Variants in PATJ observed in about 807,000 individuals in gnomAD.
The protein encoded by PATJ is PATJ crumbs cell polarity complex component, also known as inaD-like protein.
Under a neutral mutation model 224.9 loss-of-function variants are expected in PATJ, and 190 were observed. That is an observed-to-expected ratio of 0.84 (90% CI 0.75 to 0.95). The LOEUF (loss-of-function observed/expected upper bound fraction) is 0.95, where lower values mean the gene tolerates loss of function less well. Among genes scored for constraint, PATJ ranks in the 40% least tolerant of loss-of-function variants. PATJ has a pLI of 0.00. For synonymous variants in PATJ, 769 were observed against 820.3 expected (o/e 0.94, Z 1.07); for missense variants, 2,121 against 2,270.3 (o/e 0.93, Z 1.34).
chr1:61,869,893 G>A (rs1327598006), intron 20 of PATJ, among the ~76,000 whole-genome samples: 2 of 152,230 alleles, frequency 1.3e-5, no homozygotes, highest in Non-Finnish European at 2.9e-5. Context: ...GTACTGGCAG[G>A]AGCAAATTCT....
At chr1:62,056,659 T>C (rs1654597206) in intron 31 of PATJ, among the ~76,000 whole-genome samples, 1 of 152,152 alleles carries the variant, frequency 6.6e-6, no homozygotes, top group South Asian at 2.1e-4. Context: ...TGGATGCCTG[T>C]AATCCCAGCT....
At chr1:62,070,072 G>A (rs1657124527) in intron 31 of PATJ, among the ~76,000 whole-genome samples, 1 of 152,150 alleles carries the variant, frequency 6.6e-6, no homozygotes, top group Non-Finnish European at 1.5e-5. Flanking sequence ...TTTTAAACCT[G>A]TAGTTTGGGA....
intron 13 of PATJ, 148 bp downstream of exon 13, chr1:61,805,672 A>T: frequency 1.7e-6 from 1 of 584,686 alleles, no homozygotes; most frequent in East Asian, 2.9e-5. Flanking sequence ...GGATCAATCG[A>T]TTTTTTTCCC....
intron 20 of PATJ, among the ~76,000 whole-genome samples, chr1:61,870,991 C>T (rs557055494): frequency 4.7e-4 from 71 of 150,140 alleles, no homozygotes; most frequent in African/African-American, 1.6e-3. Flanking sequence ...CTTTCATGTG[C>T]TTATTTGGCC....
In PATJ at chr1:61,742,943, G is replaced by T. The variant is rs567318439; in HGVS notation, c.-36+388G>T. ...TCGGGCCTCGAATCTCGGCCCACTGGTATTCGGGGGTGGCACGGATCCTAT... is the reference window on the plus strand; with the variant it reads ...TCGGGCCTCGAATCTCGGCCCACTGTTATTCGGGGGTGGCACGGATCCTAT... On this transcript the variant is annotated intron_variant, in intron 1 of 43. Transcript: ENST00000642238. 1.7e-3 allele frequency among the ~76,000 whole-genome samples: 256 copies of T among 152,250 alleles called. 2 individuals carry two copies. Among genetic ancestry groups the T allele is most frequent in the African/African-American group, 5.9e-3 (245 of 41,580 alleles).
At chr1:62,159,191 A>C (rs1314421110) in intron 43 of PATJ, among the ~76,000 whole-genome samples, 5 of 151,994 alleles carry the variant, frequency 3.3e-5, no homozygotes, top group Non-Finnish European at 2.9e-5. Context: ...GTGAAGTTGC[A>C]AGTTTTGGGG....
intron 25 of PATJ, among the ~76,000 whole-genome samples, chr1:61,910,327 A>T (rs1019971573): frequency 6.6e-6 from 1 of 152,296 alleles, no homozygotes; most frequent in Admixed American, 6.5e-5. Context: ...TCTTTCAATT[A>T]TTCAAACAAA....
At chr1:61,826,936 A>G (rs564051449) in intron 15 of PATJ, among the ~76,000 whole-genome samples, 9 of 152,336 alleles carry the variant, frequency 5.9e-5, no homozygotes, top group African/African-American at 1.9e-4. Flanking sequence ...CTTATTAGCT[A>G]TACTTTAAGC....
intron 33 of PATJ, among the ~76,000 whole-genome samples, chr1:62,104,424 C>T (rs879297525): frequency 6.6e-5 from 10 of 152,098 alleles, no homozygotes; most frequent in South Asian, 2.1e-4. Context: ...TTTGAATTCA[C>T]GAGCCCACAT....
At chr1:62,021,563 G>A (rs184441398) in intron 29 of PATJ, among the ~76,000 whole-genome samples, 214 of 144,380 alleles carry the variant, frequency 1.5e-3, no homozygotes, top group Non-Finnish European at 2.2e-3. Context: ...TAGTAAGTTC[G>A]TTGTTGTTGT....
chr1:61,903,500 C>T (rs1671469756), intron 24 of PATJ, among the ~76,000 whole-genome samples: 1 of 152,092 alleles, frequency 6.6e-6, no homozygotes, highest in Non-Finnish European at 1.5e-5. Flanking sequence ...GTTAGATAAA[C>T]AAATAAGGAG....
In PATJ at chr1:61,880,569, T is replaced by G. The variant is rs114549773; in HGVS notation, c.2960-3668T>G. 1.2e-3 allele frequency among the ~76,000 whole-genome samples: 188 copies of G among 152,324 alleles called. 1 individual carries two copies. The highest frequency in any genetic ancestry group is 4.2e-3 in the African/African-American group (174 of 41,572). On this transcript the variant is annotated intron_variant, in intron 21 of 43. Coordinates refer to ENST00000642238, the MANE Select transcript of PATJ (RefSeq NM_001350145.3). ...TAAGCTCTACCAGATATTTTTTAAA[T>G]CCGTAGAAGGTATGCAAACCAAAAA...
At chr1:62,105,475 T>C (rs994881082) in intron 33 of PATJ, among the ~76,000 whole-genome samples, 5 of 152,170 alleles carry the variant, frequency 3.3e-5, no homozygotes, top group African/African-American at 1.2e-4. Flanking sequence ...CTCCTCGTAC[T>C]ACCTTAATAC....
At chr1:61,755,073 C>T (rs759831751) in intron 1 of PATJ, among the ~76,000 whole-genome samples, 4 of 151,654 alleles carry the variant, frequency 2.6e-5, no homozygotes, top group Non-Finnish European at 4.4e-5. Flanking sequence ...TTTGGGAGGC[C>T]GAGGCGGGTT....
rs372052180 is a variant in PATJ at position 61,752,578 on chromosome 1, G to A, written c.-36+10023G>A. On this transcript the variant is annotated intron_variant, in intron 1 of 43. Transcript: ENST00000642238. ...CCAAGGCCTCCCTTGTGCCCGCCTC[G>A]GCCTCCCGAAGTGCTGGGATTACAG... Among the ~76,000 whole-genome samples, 36 of 152,108 alleles carry A rather than the reference G, an allele frequency of 2.4e-4. 1 individual carries two copies. In the East Asian group the frequency reaches 5.4e-3, roughly 23 times the overall value.
chr1:61,929,584 T>C lies in PATJ; in HGVS notation c.3670+1755T>C, dbSNP rs142714288. Among the ~76,000 whole-genome samples, 90 of 152,264 alleles carry C rather than the reference T, an allele frequency of 5.9e-4. 1 individual carries two copies. Among genetic ancestry groups the C allele is most frequent in the African/African-American group, 2.1e-3 (89 of 41,566 alleles). ...CTTTGTGAAGTTCTAATTATACAAATGAAAGCTCAGAGAAATTAAAGAATG... is the reference window on the plus strand; with the variant it reads ...CTTTGTGAAGTTCTAATTATACAAACGAAAGCTCAGAGAAATTAAAGAATG... On this transcript the variant is annotated intron_variant, in intron 27 of 43. Coordinates refer to ENST00000642238, the MANE Select transcript of PATJ (RefSeq NM_001350145.3).
chr1:62,128,549 C>T (rs186108864), intron 40 of PATJ: 82 of 375,126 alleles, frequency 2.2e-4, no homozygotes, highest in African/African-American at 9.8e-4. Context: ...GTGTACACTT[C>T]GCTTTTACTG....
At chr1:61,756,175 A>T (rs994293605) in intron 1 of PATJ, among the ~76,000 whole-genome samples, 2 of 152,258 alleles carry the variant, frequency 1.3e-5, no homozygotes, top group East Asian at 3.9e-4. Context: ...CCCAATTTCG[A>T]TACTTGTGCC....
At chr1:61,890,848 C>T (rs1669509462) in intron 22 of PATJ, among the ~76,000 whole-genome samples, 1 of 151,934 alleles carries the variant, frequency 6.6e-6, no homozygotes, top group Admixed American at 6.6e-5. Flanking sequence ...TATTTGTCAA[C>T]TAAAAGTCAA....
Sources: gnomAD v4.1 joint callset for allele counts (sites outside exome capture counted in the v4.1 genomes callset) on GRCh38, gnomAD v4.1.1 for gene constraint, MANE v1.5 for transcripts, NCBI Gene and HGNC (gene_info 2026-07-23, HGNC 2026-07-21) for gene names.